MATCAP2: variants seen among roughly 807,000 people sequenced by gnomAD.
MATCAP2 encodes microtubule associated tyrosine carboxypeptidase 2.
At chr7:36,344,362 G>A in the MATCAP2 span, among the ~76,000 whole-genome samples, 8 of 152,182 alleles carry the variant, frequency 5.3e-5, no homozygotes, top group African/African-American at 9.6e-5. Flanking sequence ...GGTTTTTAAT[G>A]ATATGAGAAA....
chr7:36,375,400 T>C, the MATCAP2 span, among the ~76,000 whole-genome samples: 1 of 152,344 alleles, frequency 6.6e-6, no homozygotes, highest in East Asian at 1.9e-4. Flanking sequence ...TTTATTGATT[T>C]GCGTATGTTG....
the MATCAP2 span, among the ~76,000 whole-genome samples, chr7:36,353,679 C>T: frequency 6.6e-6 from 1 of 152,036 alleles, no homozygotes; most frequent in Non-Finnish European, 1.5e-5. Flanking sequence ...CGGGGTTTCA[C>T]CATGTTGGTC....
At chr7:36,373,408 G>A in the MATCAP2 span, among the ~76,000 whole-genome samples, 1 of 152,138 alleles carries the variant, frequency 6.6e-6, no homozygotes, top group South Asian at 2.1e-4. Context: ...GCCACTTGAA[G>A]AATAAGAGTC....
At chr7:36,328,279 G>A in the MATCAP2 span, among the ~76,000 whole-genome samples, 1 of 145,248 alleles carries the variant, frequency 6.9e-6, no homozygotes, top group South Asian at 2.2e-4. Flanking sequence ...GGCTGGTCTC[G>A]AACTCCTAGT....
chr7:36,376,120 T>A, the MATCAP2 span, among the ~76,000 whole-genome samples: 28 of 152,238 alleles, frequency 1.8e-4, no homozygotes, highest in Non-Finnish European at 3.7e-4. Flanking sequence ...AGTTATTTCT[T>A]GCCTTCTGCT....
chr7:36,346,681 G>A, the MATCAP2 span, among the ~76,000 whole-genome samples: 36 of 152,188 alleles, frequency 2.4e-4, no homozygotes, highest in African/African-American at 7.5e-4. Context: ...TTGAGGTGAC[G>A]AAATGTTCTA....
chr7:36,371,012 T>C, the MATCAP2 span, among the ~76,000 whole-genome samples: 1 of 152,246 alleles, frequency 6.6e-6, no homozygotes, highest in Non-Finnish European at 1.5e-5. Flanking sequence ...TAATTTTAGA[T>C]TTAAAATAAT....
At chr7:36,342,226 C>T in the MATCAP2 span, among the ~76,000 whole-genome samples, 2 of 150,370 alleles carry the variant, frequency 1.3e-5, no homozygotes, top group Non-Finnish European at 2.9e-5. Flanking sequence ...GTTGTCCAGG[C>T]GGGAGTGCAA....
At chr7:36,378,575 GTCT>G in the MATCAP2 span, among the ~76,000 whole-genome samples, 1 of 152,262 alleles carries the variant, frequency 6.6e-6, no homozygotes, top group Admixed American at 6.5e-5. Context: ...TGAGGGGGCA[GTCT>G]GTCTGTTCTC....
chr7:36,342,873 G>C, the MATCAP2 span, among the ~76,000 whole-genome samples: 1 of 152,266 alleles, frequency 6.6e-6, no homozygotes, highest in East Asian at 1.9e-4. Flanking sequence ...CAATCCGCCT[G>C]CCTCCATCTC....
the MATCAP2 span, chr7:36,357,556 C>A: frequency 6.2e-7 from 1 of 1,613,374 alleles, no homozygotes; most frequent in Non-Finnish European, 8.5e-7. Flanking sequence ...GAATAGACTT[C>A]TTAGCAAGTT....
chr7:36,337,590 C>G, the MATCAP2 span: 1 of 152,140 alleles, frequency 6.6e-6, no homozygotes, highest in Non-Finnish European at 1.5e-5. Context: ...GATGCCATGG[C>G]TCTGTCCTCT....
the MATCAP2 span, among the ~76,000 whole-genome samples, chr7:36,383,525 A>C: frequency 1.3e-5 from 2 of 152,200 alleles, no homozygotes; most frequent in Non-Finnish European, 2.9e-5. Flanking sequence ...GACATGGATG[A>C]AGCTGGAAAC....
At chr7:36,333,897 C>A in the MATCAP2 span, 1 of 1,614,034 alleles carries the variant, frequency 6.2e-7, no homozygotes, top group Non-Finnish European at 8.5e-7. Flanking sequence ...GGCCCGTACA[C>A]AATAATCCCA....
the MATCAP2 span, among the ~76,000 whole-genome samples, chr7:36,353,332 A>G: frequency 6.6e-6 from 1 of 152,290 alleles, no homozygotes; most frequent in East Asian, 1.9e-4. Flanking sequence ...CAGGTGAGCA[A>G]TTGTTAATAT....
At chr7:36,376,479 T>C in the MATCAP2 span, among the ~76,000 whole-genome samples, 1 of 152,242 alleles carries the variant, frequency 6.6e-6, no homozygotes, top group Non-Finnish European at 1.5e-5. Flanking sequence ...TTTCCGTTCT[T>C]TTACATTTGC....
At chr7:36,336,182 T>G in the MATCAP2 span, 1 of 1,536,276 alleles carries the variant, frequency 6.5e-7, no homozygotes, top group East Asian at 2.4e-5. Context: ...CTTCATCATG[T>G]ACTTCCTAAC....
the MATCAP2 span, chr7:36,366,619 A>G: frequency 6.8e-7 from 1 of 1,466,902 alleles, no homozygotes; most frequent in Non-Finnish European, 9.2e-7. Flanking sequence ...ATAGGATTTA[A>G]CAATCTTTGG....
chr7:36,369,775 A>G, the MATCAP2 span, among the ~76,000 whole-genome samples: 3 of 151,912 alleles, frequency 2.0e-5, no homozygotes, highest in African/African-American at 4.8e-5. Context: ...ATATGTGTGT[A>G]TATATATATA....
Sources: allele counts gnomAD v4.1 joint callset (sites outside exome capture counted in the v4.1 genomes callset), GRCh38; gene constraint gnomAD v4.1.1; transcripts MANE v1.5; gene names NCBI Gene and HGNC (gene_info 2026-07-23, HGNC 2026-07-21).